Variants in OTOGL observed in about 807,000 individuals in gnomAD.
OTOGL encodes the protein otogelin like, also known as otogelin-like protein.
A neutral mutation model predicts 318.5 loss-of-function variants in OTOGL; 285 were observed. The observed-to-expected ratio is 0.89, with a 90% CI of 0.81 to 0.99. OTOGL has a LOEUF of 0.99. Ranked by LOEUF, OTOGL falls within the 50% of genes least tolerant of loss-of-function variation. The probability of loss-of-function intolerance (pLI) is 0.00; values close to 1 mark genes in which losing one functional copy is unlikely to be tolerated. For synonymous variants in OTOGL, 987 were observed against 936.5 expected, an observed-to-expected ratio of 1.05 and a Z score of -0.99; for missense variants, 2,899 against 2,845.6, an observed-to-expected ratio of 1.02 and a Z score of -0.43.
At position 80,257,982 on chromosome 12, in the gene OTOGL, C is replaced by G; in HGVS notation, c.1869C>G (p.Gly623=). 6.3e-7 allele frequency: 1 copy of G among 1,586,694 alleles called. No homozygotes were observed. The highest frequency in any genetic ancestry group is 1.3e-5 in the African/African-American group (1 of 74,212). Residue 623 remains glycine (G), a synonymous_variant, in exon 18 of 59, where the codon GGC becomes GGG. Coordinates refer to ENST00000547103, the MANE Select transcript of OTOGL (RefSeq NM_001378609.3). ...TAGGTCTGTGTGGCACTTTTAATGG[C>G]AACATAAGGGATGATTTTCTGTAAG... ...RTLGLCGTFN[G]NIRDDFLSPS...
chr12:80,153,357 G>A (rs1379604665), intron 1 of OTOGL, among the ~76,000 whole-genome samples: 1 of 152,152 alleles, frequency 6.6e-6, no homozygotes, highest in Non-Finnish European at 1.5e-5. Context: ...CCAGCCTCAT[G>A]ACCTAATCAC....
chr12:80,210,785 G>GGAAC, intron 2 of OTOGL, 62 bp from the exon 3 acceptor site: 1 of 1,120,768 alleles, frequency 8.9e-7, no homozygotes, highest in Non-Finnish European at 1.2e-6. Flanking sequence ...TTAAACAACT[G>GGAAC]GAACATGTAG....
intron 26 of OTOGL, among the ~76,000 whole-genome samples, chr12:80,289,736 G>A (rs1056535851): frequency 6.6e-6 from 1 of 152,130 alleles, no homozygotes; most frequent in Non-Finnish European, 1.5e-5. Flanking sequence ...AATGGCGGAC[G>A]CCCCTCCCCC....
intron 7 of OTOGL, among the ~76,000 whole-genome samples, chr12:80,222,733 G>C (rs1488074741): frequency 6.6e-6 from 1 of 152,058 alleles, no homozygotes. Flanking sequence ...GAATTTCTAG[G>C]TATTTCAATC....
chr12:80,354,973 T>C (rs2138015256), intron 46 of OTOGL, among the ~76,000 whole-genome samples: 1 of 152,264 alleles, frequency 6.6e-6, no homozygotes, highest in East Asian at 1.9e-4. Flanking sequence ...AATTTTCATA[T>C]GATGTAAATG....
At chr12:80,275,856 A>C (rs889061493) in intron 24 of OTOGL, among the ~76,000 whole-genome samples, 1 of 151,676 alleles carries the variant, frequency 6.6e-6, no homozygotes, top group African/African-American at 2.4e-5. Context: ...TTTTGCAATA[A>C]AGTATTTTTA....
At chr12:80,353,982 A>T (rs936316372) in intron 46 of OTOGL, among the ~76,000 whole-genome samples, 1 of 152,186 alleles carries the variant, frequency 6.6e-6, no homozygotes, top group African/African-American at 2.4e-5. Context: ...TGGTACTATT[A>T]TCTGGGTACT....
chr12:80,284,790 G>A (rs1884490523), intron 26 of OTOGL, among the ~76,000 whole-genome samples: 1 of 152,156 alleles, frequency 6.6e-6, no homozygotes, highest in African/African-American at 2.4e-5. Flanking sequence ...ACCTTTGTCA[G>A]ATGGATAGAT....
intron 1 of OTOGL, among the ~76,000 whole-genome samples, chr12:80,183,712 T>A (rs1232633331): frequency 6.6e-6 from 1 of 152,162 alleles, no homozygotes; most frequent in East Asian, 1.9e-4. Flanking sequence ...CTTGGCACCA[T>A]CCTACCAAAT....
intron 8 of OTOGL, among the ~76,000 whole-genome samples, chr12:80,230,332 G>T (rs76774381): frequency 0.023 from 3,440 of 152,186 alleles, 140 homozygotes; most frequent in African/African-American, 0.078. Context: ...CTTGTCTGAG[G>T]CTTATTTTCT....
chr12:80,343,655 C>A (rs1365403077), intron 44 of OTOGL: 1 of 151,372 alleles, frequency 6.6e-6, no homozygotes, highest in African/African-American at 2.4e-5. Context: ...GTCCTTTCAA[C>A]CAAATGTACA....
chr12:80,359,323 C>T (rs544286461), intron 52 of OTOGL, among the ~76,000 whole-genome samples: 7 of 152,158 alleles, frequency 4.6e-5, no homozygotes, highest in African/African-American at 1.4e-4. Flanking sequence ...ACATGTAAAC[C>T]TTATAGAAAT....
At chr12:80,150,060 G>A (rs374964726) in intron 1 of OTOGL, among the ~76,000 whole-genome samples, 14 of 152,022 alleles carry the variant, frequency 9.2e-5, no homozygotes, top group East Asian at 1.9e-4. Flanking sequence ...GTTCCTATTC[G>A]GCCATCTTGG....
chr12:80,359,596 A>T (rs1890119865), intron 52 of OTOGL, among the ~76,000 whole-genome samples: 1 of 152,196 alleles, frequency 6.6e-6, no homozygotes, highest in Admixed American at 6.5e-5. Context: ...TCCAGTTCAA[A>T]GCTATATTAT....
intron 44 of OTOGL, among the ~76,000 whole-genome samples, chr12:80,344,496 C>A (rs4288819): frequency 4.6e-5 from 7 of 151,922 alleles, no homozygotes; most frequent in Non-Finnish European, 7.4e-5. Flanking sequence ...GAGCCGAGAT[C>A]GCGCCATTGC....
chr12:80,234,311 C>T (rs1443362196), intron 9 of OTOGL, among the ~76,000 whole-genome samples: 1 of 152,142 alleles, frequency 6.6e-6, no homozygotes, highest in Non-Finnish European at 1.5e-5. Context: ...GATTACAGAC[C>T]TGACAGGCTC....
At chr12:80,338,938 G>A in intron 42 of OTOGL, 137 bp from the exon 43 acceptor site, 1 of 708,182 alleles carries the variant, frequency 1.4e-6, no homozygotes, top group Admixed American at 3.2e-5. Flanking sequence ...GAGAAGCTGT[G>A]GCAGCAGTAA....
rs188406967 is a variant in OTOGL, at chr12:80,292,578, C to G, written c.2929-4249C>G. 2.0e-5 allele frequency among the ~76,000 whole-genome samples: 3 copies of G among 152,322 alleles called. No homozygotes were observed. The East Asian group carries it at 5.8e-4, about 29-fold the overall frequency. ...CTTCCTTAAGGAAGCAAGTTGTGGA[C>G]TGCAGCTGATTATAAAGTGCTTTTT... On this transcript the variant is annotated intron_variant, in intron 26 of 58. Transcript: ENST00000547103.
chr12:80,103,422 G>A, intron 1 of OTOGL: 2 of 662,468 alleles, frequency 3.0e-6, no homozygotes, highest in Non-Finnish European at 5.3e-6. Context: ...CTCACTTGCT[G>A]TCCCTATGCC....
Sources: allele counts gnomAD v4.1 joint callset (sites outside exome capture counted in the v4.1 genomes callset), GRCh38; gene constraint gnomAD v4.1.1; transcripts MANE v1.5; gene names NCBI Gene and HGNC (gene_info 2026-07-23, HGNC 2026-07-21).